The following SP5 variants were observed in gnomAD, a reference collection of about 807,000 sequenced individuals.
SP5 encodes the protein Sp5 transcription factor.
Under a neutral mutation model 27.4 loss-of-function variants are expected in SP5, and 12 were observed. That is an observed-to-expected ratio of 0.44 (90% CI 0.28 to 0.71). The LOEUF (loss-of-function observed/expected upper bound fraction) is 0.71, where lower values mean the gene tolerates loss of function less well. Among genes scored for constraint, SP5 ranks in the 30% least tolerant of loss-of-function variants. The pLI is 0.15. For synonymous variants in SP5, 330 were observed against 290.7 expected (o/e 1.14, Z -1.38); for missense variants, 660 against 589.8 (o/e 1.12, Z -1.23).
At position 170,716,594 on chromosome 2, in the gene SP5, G is replaced by A. The variant is rs1171426770; in HGVS notation, c.387G>A (p.Lys129=). 1.9e-6 allele frequency: 3 copies of A among 1,610,146 alleles called. No homozygotes were observed. The highest frequency in any genetic ancestry group is 1.3e-5 in the African/African-American group (1 of 74,786). Residue 129 remains lysine, a synonymous_variant, in exon 2 of 2, where the codon AAG becomes AAA. Coordinates refer to ENST00000375281, the MANE Select transcript of SP5 (RefSeq NM_001003845.3). ...ACCCCTACGAGTTCTCGCCGGTCAAGATGCTGCCCTCGAGCATGGCGGCTC... is the reference window on the plus strand; with the variant it reads ...ACCCCTACGAGTTCTCGCCGGTCAAAATGCTGCCCTCGAGCATGGCGGCTC... ...PSYPYEFSPV[K]MLPSSMAALP...
intron 1 of SP5, 87 bp from the exon 2 acceptor site, chr2:170,716,172 C>A: frequency 6.8e-7 from 1 of 1,474,406 alleles, no homozygotes; most frequent in Non-Finnish European, 8.9e-7. Flanking sequence ...GGTATAATAG[C>A]GGGCGTGGGG....
At chr2:170,715,624 C>G in intron 1 of SP5, 61 bp downstream of exon 1, 1 of 1,524,260 alleles carries the variant, frequency 6.6e-7, no homozygotes. Context: ...CGGATCTCTC[C>G]TGGTACTCCG....
chr2:170,716,033 A>AAAC (rs1174378005), intron 1 of SP5: 78 of 1,382,856 alleles, frequency 5.6e-5, no homozygotes, highest in Non-Finnish European at 6.0e-5. Flanking sequence ...TGCACCAAGT[A>AAAC]GTTTAGCAAG....
At chr2:170,716,214 G>A (rs1185027042) in intron 1 of SP5, 45 bp from the exon 2 acceptor site, 1 of 1,561,958 alleles carries the variant, frequency 6.4e-7, no homozygotes, top group South Asian at 1.1e-5. Flanking sequence ...CGCGCTTGGA[G>A]CTAACCTTTT....
At chr2:170,715,659 C>G (rs2105584896) in intron 1 of SP5, 96 bp downstream of exon 1, 1 of 1,475,914 alleles carries the variant, frequency 6.8e-7, no homozygotes, top group South Asian at 1.3e-5. Flanking sequence ...CAAAGGGAAC[C>G]CCGCCGATGG....
Position 170,716,589 on chromosome 2 carries a change from G to T in SP5, c.382G>T (p.Val128Phe), listed in dbSNP as rs752002209. 5.0e-6 allele frequency: 8 copies of T among 1,610,120 alleles called. No homozygotes were observed. Among genetic ancestry groups the T allele is most frequent in the Non-Finnish European group, 5.9e-6 (7 of 1,178,840 alleles). The change falls in exon 2 of 2, where the codon GTC (valine) becomes TTC (phenylalanine). Residue 128 changes from valine (V) to phenylalanine (F), a missense_variant. Physicochemically the swap from Val to Phe is conservative, Grantham distance 50. Transcript: ENST00000375281. ...DPSYPYEFSP[V>F]KMLPSSMAAL... ...CTCGTACCCCTACGAGTTCTCGCCG[G>T]TCAAGATGCTGCCCTCGAGCATGGC...
Position 170,716,261 on chromosome 2 carries a change from C to T in SP5, c.54C>T (p.Asp18=). Residue 18 remains aspartate (D), a splice_region_variant and synonymous_variant, in exon 2 of 2, where the codon GAC becomes GAT. Transcript: ENST00000375281. The part of the protein sequence containing the change: ...RNDSLQAFLQ[D]RTPSASPDLG... ...GCCCTCCCTCGCCGCCTATGCAGGA[C>T]CGCACCCCCAGCGCCTCCCCGGACC... 1.3e-6 allele frequency: 2 copies of T among 1,592,778 alleles called. No homozygotes were observed. The highest frequency in any genetic ancestry group is 2.2e-5 in the East Asian group (1 of 44,678).
At position 170,716,687 on chromosome 2, in the gene SP5, C is replaced by T; in HGVS notation, c.480C>T (p.Ser160=). The change falls in exon 2 of 2, where the codon TCC becomes TCT. Residue 160 remains serine, a synonymous_variant. Coordinates refer to ENST00000375281, the MANE Select transcript of SP5 (RefSeq NM_001003845.3). ...AGGCCGCGCTGCCGCCAGGCTACTC[C>T]AACCTGCTGCCTCCGCCGCCGCCAC... ...AAQAALPPGY[S]NLLPPPPPPP... 6.4e-7 allele frequency: 1 copy of T among 1,561,514 alleles called. No individual in the cohort carries two copies.
chr2:170,716,894 T>TGATGCGGCCGCCGCCGCC lies in SP5; in HGVS notation c.688_689insATGCGGCCGCCGCCGCCG (p.Ala229_Ala230insAspAlaAlaAlaAlaAla). 1 of 1,524,526 alleles carries TGATGCGGCCGCCGCCGCC rather than the reference T, an allele frequency of 6.6e-7. No individual in the cohort carries two copies. The highest frequency in any genetic ancestry group is 8.8e-7 in the Non-Finnish European group (1 of 1,137,696). The allele number at this position is 1,524,526 out of a possible 1,614,324, so 94.4% of individuals were successfully genotyped here. On this transcript the variant is annotated inframe_insertion, in exon 2 of 2. Coordinates refer to ENST00000375281, the MANE Select transcript of SP5 (RefSeq NM_001003845.3). ...GCTTCCCCGCCTCTGCGGCCGCTGC[T>TGATGCGGCCGCCGCCGCC]GCTGCGGCCGCCGCCGCCCTACAAA...
Position 170,716,807 on chromosome 2 carries a change from G to A in SP5, c.600G>A (p.Gly200=). 3 of 1,393,192 alleles carry A rather than the reference G, an allele frequency of 2.2e-6. No homozygotes were observed. Among genetic ancestry groups the A allele is most frequent in the Non-Finnish European group, 2.8e-6 (3 of 1,079,688 alleles). 86.3% of individuals were successfully genotyped at this position (1,393,192 alleles called of 1,614,324 possible). A position where few individuals can be genotyped will look rare whatever the true frequency, so the allele number is the denominator to read the frequency against. Residue 200 remains glycine, a synonymous_variant, in exon 2 of 2, where the codon GGG becomes GGA. Coordinates refer to ENST00000375281, the MANE Select transcript of SP5 (RefSeq NM_001003845.3). Reference sequence around the variant, plus strand: ...TCCCGCAGGCGGGCGCCGGGCCGGGGGCCTCCGGGGTTCCGGGAAGCGGCC... The same window carrying A: ...TCCCGCAGGCGGGCGCCGGGCCGGGAGCCTCCGGGGTTCCGGGAAGCGGCC... ...WSIPQAGAGP[G]ASGVPGSGLS... is the part of the protein sequence containing the mutation.
chr2:170,717,234 C>T lies in SP5; in HGVS notation c.1027C>T (p.Leu343=). ...CGKSFTRSDE[L]QRHLRTHTGE... is the part of the protein sequence containing the mutation. ...GAAGAGCTTCACGCGCTCGGACGAG[C>T]TGCAGCGGCACCTGCGGACTCACAC... The change falls in exon 2 of 2, where the codon CTG becomes TTG. Residue 343 remains leucine (L), a synonymous_variant. Transcript: ENST00000375281. 1.9e-6 allele frequency: 3 copies of T among 1,609,586 alleles called. No individual in the cohort carries two copies. Among genetic ancestry groups the T allele is most frequent in the Non-Finnish European group, 1.7e-6 (2 of 1,179,262 alleles).
Position 170,716,744 on chromosome 2 carries a change from ACCCAACCCGG to A in SP5, c.541_550del (p.Asn181ProfsTer130). On this transcript the variant is annotated frameshift_variant, in exon 2 of 2. Coordinates refer to ENST00000375281, the MANE Select transcript of SP5 (RefSeq NM_001003845.3). LOFTEE classifies it high-confidence loss of function. ...CGCCGCCCACCTGCCGCCAGTTGTC[ACCCAACCCGG>A]CCCCCGACGACCTCCCGTGGTGGAG... 1 of 1,474,690 alleles carries A rather than the reference ACCCAACCCGG, an allele frequency of 6.8e-7. No individual in the cohort carries two copies. The highest frequency in any genetic ancestry group is 8.9e-7 in the Non-Finnish European group (1 of 1,120,106). 91.4% of individuals were successfully genotyped at this position (1,474,690 alleles called of 1,614,324 possible).
chr2:170,717,736 A>T lies in SP5; in HGVS notation c.*332A>T, dbSNP rs1282825346. On this transcript the variant is annotated 3_prime_UTR_variant, in exon 2 of 2. Transcript: ENST00000375281. ...GCCTTGTATATAGGAAATGCTGCTG[A>T]ACTGAATAGAAAGGAACTTGGGAGA... 5.0e-6 allele frequency: 2 copies of T among 399,030 alleles called. No individual in the cohort carries two copies. Among genetic ancestry groups the T allele is most frequent in the African/African-American group, 2.0e-5 (1 of 48,944 alleles). The allele number at this position is 399,030 out of a possible 1,614,324, so 24.7% of individuals were successfully genotyped here. A position where few individuals can be genotyped will look rare whatever the true frequency, so the allele number is the denominator to read the frequency against.
In SP5 at chr2:170,715,539, C is replaced by T; in HGVS notation, c.27C>T (p.Asn9=). Residue 9 remains asparagine, a synonymous_variant, in exon 1 of 2, where the codon AAC becomes AAT. Coordinates refer to ENST00000375281, the MANE Select transcript of SP5 (RefSeq NM_001003845.3). MAAVAVLR[N]DSLQAFLQDR... ...TGGCCGCGGTGGCCGTCCTCCGGAA[C>T]GACTCGCTGCAGGCCTTTCTCCAGG... 3 of 1,559,236 alleles carry T rather than the reference C, an allele frequency of 1.9e-6. No individual in the cohort carries two copies. Among genetic ancestry groups the T allele is most frequent in the African/African-American group, 2.7e-5 (2 of 73,770 alleles).
chr2:170,717,374 G>T lies in SP5; in HGVS notation c.1167G>T (p.Gly389=), dbSNP rs1341950562. ...AGAAGCTCAAAGTCGCTGAGGCCGG[G>T]GTTAAGCGGGAGGACGCGCGGGACC... ...QNKKLKVAEA[G]VKREDARDL Residue 389 remains glycine (G), a synonymous_variant, in exon 2 of 2, where the codon GGG becomes GGT. Transcript: ENST00000375281. The T allele has an allele frequency of 1.2e-6, 2 of 1,611,144 alleles. No homozygotes were observed. The highest frequency in any genetic ancestry group is 1.7e-6 in the Non-Finnish European group (2 of 1,179,978).
At position 170,716,513 on chromosome 2, in the gene SP5, G is replaced by A; in HGVS notation, c.306G>A (p.Gln102=). The change falls in exon 2 of 2, where the codon CAG becomes CAA. Residue 102 remains glutamine, a synonymous_variant. Transcript: ENST00000375281. The part of the protein sequence containing the change: ...LGLTPQKTHL[Q]PSFGAAHELP... ...TGACGCCGCAGAAGACGCACCTGCA[G>A]CCGTCCTTCGGGGCTGCGCACGAGC... 6.2e-7 allele frequency: 1 copy of A among 1,610,962 alleles called. No homozygotes were observed. The highest frequency in any genetic ancestry group is 1.3e-5 in the African/African-American group (1 of 74,956).
In SP5 at chr2:170,717,209, G is replaced by A. The variant is rs777004448; in HGVS notation, c.1002G>A (p.Gly334=). The part of the protein sequence containing the change: ...RPFVCNWLFC[G]KSFTRSDELQ... The stretch of plus-strand genomic sequence containing the variant: ...TCGTGTGCAACTGGCTCTTCTGCGG[G>A]AAGAGCTTCACGCGCTCGGACGAGC... The change falls in exon 2 of 2, where the codon GGG becomes GGA. Residue 334 remains glycine (G), a synonymous_variant. Transcript: ENST00000375281. The A allele has an allele frequency of 5.0e-6, 8 of 1,608,912 alleles. No homozygotes were observed. The African/African-American group carries it at 9.3e-5, about 19-fold the overall frequency.
chr2:170,717,077 G>A lies in SP5; in HGVS notation c.870G>A (p.Pro290=), dbSNP rs772499390. 6.4e-7 allele frequency: 1 copy of A among 1,562,096 alleles called. No homozygotes were observed. The highest frequency in any genetic ancestry group is 2.4e-5 in the East Asian group (1 of 41,866). Residue 290 remains proline (P), a synonymous_variant, in exon 2 of 2, where the codon CCG becomes CCA. Transcript: ENST00000375281. The stretch of plus-strand genomic sequence containing the variant: ...CGGGCGGCGCCCCCGAGGCGGAGCC[G>A]GGGAAGAAGAAGCAGCACGTGTGCC... ...QAAGGAPEAE[P]GKKKQHVCHV...
At chr2:170,716,169 T>C (rs1447472372) in intron 1 of SP5, 90 bp from the exon 2 acceptor site, 8 of 1,470,330 alleles carry the variant, frequency 5.4e-6, no homozygotes, top group East Asian at 5.0e-5. Context: ...GGCGGTATAA[T>C]AGCGGGCGTG....
Sources: gnomAD v4.1 joint callset for allele counts on GRCh38, gnomAD v4.1.1 for gene constraint, MANE v1.5 for transcripts, NCBI Gene and HGNC (gene_info 2026-07-23, HGNC 2026-07-21) for gene names.